DNAJC11: variants seen among roughly 807,000 people sequenced by gnomAD.
DNAJC11 encodes DnaJ heat shock protein family (Hsp40) member C11, also known as dnaJ homolog subfamily C member 11.
DNAJC11 carries 15 observed loss-of-function variants against 78.6 expected under a neutral mutation model. That is an observed-to-expected ratio of 0.19 (90% CI 0.13 to 0.29). The LOEUF is 0.29. Among genes scored for constraint, DNAJC11 ranks in the 10% least tolerant of loss-of-function variants. The pLI, the probability that DNAJC11 is intolerant of heterozygous loss-of-function variation, is 1.00. For missense variants in DNAJC11, 547 were observed against 709.6 expected (o/e 0.77, Z 2.60); for synonymous variants, 292 against 272.1 (o/e 1.07, Z -0.72).
chr1:6,687,797 C>A (rs1394670220), intron 1 of DNAJC11, among the ~76,000 whole-genome samples: 2 of 152,094 alleles, frequency 1.3e-5, no homozygotes, highest in East Asian at 1.9e-4. Context: ...CAGAAATAAA[C>A]CCCAATGATG....
At chr1:6,638,628 A>G (rs1018325398) in intron 11 of DNAJC11, among the ~76,000 whole-genome samples, 1 of 152,224 alleles carries the variant, frequency 6.6e-6, no homozygotes, top group African/African-American at 2.4e-5. Context: ...CTCTTTGGAA[A>G]GAAGACCCCA....
chr1:6,688,885 A>C (rs1030885034), intron 1 of DNAJC11, among the ~76,000 whole-genome samples: 6 of 152,210 alleles, frequency 3.9e-5, no homozygotes, highest in Non-Finnish European at 8.8e-5. Context: ...TGTATTCAGC[A>C]AACATTTGTT....
At chr1:6,695,260 T>G (rs539823448) in intron 1 of DNAJC11, among the ~76,000 whole-genome samples, 12 of 151,980 alleles carry the variant, frequency 7.9e-5, no homozygotes, top group Non-Finnish European at 1.6e-4. Flanking sequence ...CTTAGCCTCC[T>G]AAGGTGCTGG....
At chr1:6,698,934 T>C (rs541003812) in intron 1 of DNAJC11, among the ~76,000 whole-genome samples, 134 of 147,904 alleles carry the variant, frequency 9.1e-4, no homozygotes, top group African/African-American at 3.1e-3. Flanking sequence ...AGTCTAATTA[T>C]ATATATAAAT....
At chr1:6,637,788 G>C (rs1641805812) in intron 12 of DNAJC11, 1 of 533,378 alleles carries the variant, frequency 1.9e-6, no homozygotes, top group African/African-American at 1.9e-5. Flanking sequence ...TTAATGCGTG[G>C]GTGGGATTTG....
intron 10 of DNAJC11, among the ~76,000 whole-genome samples, chr1:6,641,377 CAAA>C (rs138659014): frequency 0.29 from 30,367 of 106,444 alleles, 4,397 homozygotes; most frequent in African/African-American, 0.39. Context: ...ACTCCGTCTC[CAAA>C]AAAAAAAAAA....
chr1:6,688,968 C>CT lies in DNAJC11; in HGVS notation c.73-7932_73-7931insA, dbSNP rs1220884034. Among the ~76,000 whole-genome samples the CT allele has an allele frequency of 5.9e-5, 9 of 152,298 alleles. 1 individual carries two copies. In the South Asian group the frequency reaches 1.9e-3, roughly 32 times the overall value. On this transcript the variant is annotated intron_variant, in intron 1 of 15. Coordinates refer to ENST00000377577, the MANE Select transcript of DNAJC11 (RefSeq NM_018198.4). ...CAGACAGCCACGGCCCCTGACCACA[C>CT]GGTGCTTCCTCTGCGGTGGAAGAGG...
intron 3 of DNAJC11, chr1:6,670,315 C>T (rs1642360489): frequency 6.6e-6 from 1 of 152,114 alleles, no homozygotes; most frequent in African/African-American, 2.4e-5. Flanking sequence ...TTCTCATGGG[C>T]TCACACTCAT....
intron 7 of DNAJC11, among the ~76,000 whole-genome samples, 162 bp downstream of exon 7, chr1:6,651,367 C>A (rs1229372178): frequency 6.6e-6 from 1 of 152,246 alleles, no homozygotes; most frequent in East Asian, 1.9e-4. Flanking sequence ...CACCTGCACA[C>A]TGCCTGGGCT....
chr1:6,661,952 G>C (rs900426162), intron 4 of DNAJC11, among the ~76,000 whole-genome samples: 5 of 152,034 alleles, frequency 3.3e-5, no homozygotes, highest in African/African-American at 1.2e-4. Context: ...ACGTTATTCA[G>C]ATGGGGTCTC....
rs1473683167 is a variant in DNAJC11, at chr1:6,653,237, A to C, written c.508-286T>G. 6.6e-6 allele frequency among the ~76,000 whole-genome samples: 1 copy of C among 152,206 alleles called. No homozygotes were observed. Among genetic ancestry groups the C allele is most frequent in the East Asian group, 1.9e-4 (1 of 5,188 alleles). ...GCATGTCCCAATGGTATCAGATAGC[A>C]CAGTGACTTCACTGTGTGCCTTCCC... is the stretch of plus-strand genomic sequence containing the variant. On this transcript the variant is annotated intron_variant, in intron 5 of 15. Coordinates refer to ENST00000377577, the MANE Select transcript of DNAJC11 (RefSeq NM_018198.4). The surrounding 1 kb of genome is among the most constrained non-coding windows in gnomAD (Gnocchi z 4.5).
At position 6,645,934 on chromosome 1, in the gene DNAJC11, A is replaced by T; in HGVS notation, c.749T>A (p.Ile250Asn). 3 of 1,614,182 alleles carry T rather than the reference A, an allele frequency of 1.9e-6. No individual in the cohort carries two copies. Among genetic ancestry groups the T allele is most frequent in the Non-Finnish European group, 2.5e-6 (3 of 1,180,020 alleles). The change falls in exon 8 of 16, where the codon ATC becomes AAC. Residue 250 changes from isoleucine (I) to asparagine (N), a missense_variant. Transcript: ENST00000377577. The surrounding 1 kb of genome is among the most constrained non-coding windows in gnomAD (Gnocchi z 4.1). ...TAGGACAGTGGTCAGGCCGGGTCGG[A>T]TTCCACGGGATGAAAACTGCAGAGC... ...NCALQFSSRG[I>N]RPGLTTVLAR...
chr1:6,692,609 ATTTTTT>A, intron 1 of DNAJC11, among the ~76,000 whole-genome samples: 1 of 127,380 alleles, frequency 7.9e-6, no homozygotes, highest in Non-Finnish European at 1.6e-5. Flanking sequence ...TGCTTCAGGA[ATTTTTT>A]TTTTTTTTTT....
At chr1:6,647,155 C>T (rs921216165) in intron 7 of DNAJC11, among the ~76,000 whole-genome samples, 1 of 147,640 alleles carries the variant, frequency 6.8e-6, no homozygotes, top group South Asian at 2.2e-4. Context: ...CTTCTCAGCT[C>T]ACTGCAACCT....
rs923959601 is a variant in DNAJC11 at position 6,637,235 on chromosome 1, A to G, written c.1487T>C (p.Val496Ala). 5.6e-6 allele frequency: 9 copies of G among 1,614,048 alleles called. No homozygotes were observed. Among genetic ancestry groups the G allele is most frequent in the Middle Eastern group, 3.3e-4 (2 of 6,062 alleles). The part of the protein sequence containing the change: ...IDVTVPLQCL[V>A]KDSKLILTEA... ...CGTGAGGATGAGCTTCGAGTCCTTCACCAGGCACTGCAGGGGCACAGTCAC... is the reference window on the plus strand; with the variant it reads ...CGTGAGGATGAGCTTCGAGTCCTTCGCCAGGCACTGCAGGGGCACAGTCAC... Residue 496 changes from valine (V) to alanine (A), a missense_variant, in exon 14 of 16, where the codon GTG becomes GCG. Transcript: ENST00000377577.
chr1:6,678,840 G>T (rs1183567908), intron 2 of DNAJC11, among the ~76,000 whole-genome samples: 3 of 152,046 alleles, frequency 2.0e-5, no homozygotes, highest in African/African-American at 7.2e-5. Flanking sequence ...GTAGAGATGG[G>T]GTCTCACTAT....
At chr1:6,693,103 G>A (rs1021223309) in intron 1 of DNAJC11, among the ~76,000 whole-genome samples, 1 of 150,862 alleles carries the variant, frequency 6.6e-6, no homozygotes, top group African/African-American at 2.4e-5. Flanking sequence ...AGTACAGACA[G>A]GGTTTCGCCA....
In DNAJC11 at chr1:6,678,467, A is replaced by C. The variant is rs1253241470; in HGVS notation, c.203T>G (p.Val68Gly). ...GGCCCTGGTTTGGGGGTCACTAAGCACTGCAAATTAAAAATTAAACATGTT... is the reference window on the plus strand; with the variant it reads ...GGCCCTGGTTTGGGGGTCACTAAGCCCTGCAAATTAAAAATTAAACATGTT... ...LFNLVHQAYE[V>G]LSDPQTRAIY... Residue 68 changes from valine (V) to glycine (G), a missense_variant and splice_region_variant, in exon 3 of 16, where the codon GTG becomes GGG. Physicochemically the swap from Val to Gly is moderately radical, Grantham distance 109. Coordinates refer to ENST00000377577, the MANE Select transcript of DNAJC11 (RefSeq NM_018198.4). 1 of 1,608,758 alleles carries C rather than the reference A, an allele frequency of 6.2e-7. No individual in the cohort carries two copies. The highest frequency in any genetic ancestry group is 8.5e-7 in the Non-Finnish European group (1 of 1,178,384).
intron 3 of DNAJC11, among the ~76,000 whole-genome samples, chr1:6,677,158 C>CAAAAAAAAAAAAAAAAAAA (rs1181692411): frequency 4.0e-5 from 2 of 49,480 alleles, no homozygotes; most frequent in Non-Finnish European, 4.1e-5. Context: ...AACTTGGTCT[C>CAAAAAAAAAAAAAAAAAAA]AAAAAAAAAA....
Sources: gnomAD v4.1 joint callset for allele counts (sites outside exome capture counted in the v4.1 genomes callset) on GRCh38, gnomAD v4.1.1 for gene constraint, Gnocchi (gnomAD v3.1) non-coding constraint, MANE v1.5 for transcripts, NCBI Gene and HGNC (gene_info 2026-07-23, HGNC 2026-07-21) for gene names.